Variants in MLLT10 observed in about 807,000 individuals in gnomAD.
MLLT10 encodes the protein protein AF-10.
MLLT10 carries 30 observed loss-of-function variants against 129.1 expected under a neutral mutation model. The observed-to-expected ratio is 0.23, with a 90% CI of 0.17 to 0.32. The LOEUF (loss-of-function observed/expected upper bound fraction) is 0.32. Among genes scored for constraint, MLLT10 ranks in the 10% least tolerant of loss-of-function variants. The probability of loss-of-function intolerance (pLI) is 1.00; values close to 1 mark genes in which losing one functional copy is unlikely to be tolerated. For missense variants in MLLT10, 1,119 were observed against 1,268.3 expected (o/e 0.88, Z 1.79); for synonymous variants, 490 against 446.4 (o/e 1.10, Z -1.23).
intron 3 of MLLT10, among the ~76,000 whole-genome samples, chr10:21,549,882 G>A (rs1469035160): frequency 1.3e-5 from 2 of 152,058 alleles, no homozygotes; most frequent in Admixed American, 6.6e-5. Context: ...CAGGTGATCT[G>A]CCCGCCTTGG....
At chr10:21,667,003 G>C (rs1450776698) in intron 9 of MLLT10, among the ~76,000 whole-genome samples, 4 of 152,186 alleles carry the variant, frequency 2.6e-5, no homozygotes, top group African/African-American at 9.6e-5. Context: ...ATTTATTGTA[G>C]TGTTGGTCTG....
At chr10:21,723,363 C>T (rs1057438995) in intron 14 of MLLT10, among the ~76,000 whole-genome samples, 3 of 151,976 alleles carry the variant, frequency 2.0e-5, no homozygotes, top group Non-Finnish European at 2.9e-5. Context: ...GGAACCCTTC[C>T]TAAAAAAGAG....
intron 5 of MLLT10, among the ~76,000 whole-genome samples, chr10:21,610,885 G>C (rs951730843): frequency 1.3e-5 from 2 of 150,706 alleles, no homozygotes; most frequent in Non-Finnish European, 3.0e-5. Flanking sequence ...AGTGTGTCTA[G>C]ATAGGTTTTG....
intron 9 of MLLT10, among the ~76,000 whole-genome samples, chr10:21,662,716 A>C (rs1221055064): frequency 3.3e-5 from 5 of 152,138 alleles, no homozygotes; most frequent in Non-Finnish European, 7.4e-5. Flanking sequence ...CACTTTATTT[A>C]AACTGTATTT....
At chr10:21,618,867 G>C (rs1458388199) in intron 8 of MLLT10, among the ~76,000 whole-genome samples, 2 of 152,058 alleles carry the variant, frequency 1.3e-5, no homozygotes, top group African/African-American at 4.8e-5. Flanking sequence ...CTAGTAGCTA[G>C]GATTACAGGC....
At chr10:21,656,823 AAAAGTGTAAGT>A (rs1458249681) in intron 9 of MLLT10, among the ~76,000 whole-genome samples, 1 of 152,182 alleles carries the variant, frequency 6.6e-6, no homozygotes, top group East Asian at 1.9e-4. Flanking sequence ...CAGAGGGAGT[AAAAGTGTAAGT>A]GTCTTTTCCA....
intron 4 of MLLT10, among the ~76,000 whole-genome samples, chr10:21,588,588 T>G (rs192506750): frequency 6.6e-5 from 10 of 151,968 alleles, no homozygotes; most frequent in Admixed American, 6.6e-4. Context: ...TTTTGATAGA[T>G]AGTCCCAAAT....
At chr10:21,541,634 C>G (rs904123860) in intron 3 of MLLT10, among the ~76,000 whole-genome samples, 1 of 152,142 alleles carries the variant, frequency 6.6e-6, no homozygotes, top group African/African-American at 2.4e-5. Context: ...GATCTGCCTG[C>G]TTTGGCCTCC....
At chr10:21,622,442 G>C (rs776622994) in intron 8 of MLLT10, among the ~76,000 whole-genome samples, 14 of 151,786 alleles carry the variant, frequency 9.2e-5, no homozygotes, top group Non-Finnish European at 1.8e-4. Flanking sequence ...TGGGATTACA[G>C]GCGTTAGCCA....
intron 21 of MLLT10, chr10:21,738,286 AT>A (rs1466694614): frequency 6.7e-6 from 5 of 749,328 alleles, no homozygotes; most frequent in Non-Finnish European, 9.3e-6. Flanking sequence ...AAAATCTTAA[AT>A]GCTGACACTA....
chr10:21,709,127 G>A (rs2055826616), intron 13 of MLLT10, among the ~76,000 whole-genome samples: 1 of 152,042 alleles, frequency 6.6e-6, no homozygotes, highest in Non-Finnish European at 1.5e-5. Flanking sequence ...TTCAATTTCA[G>A]CATGCTGCCT....
chr10:21,641,283 C>A (rs945302874), intron 8 of MLLT10, among the ~76,000 whole-genome samples: 13 of 152,188 alleles, frequency 8.5e-5, no homozygotes, highest in Non-Finnish European at 1.3e-4. Context: ...AAATCCCACT[C>A]CATATCTCCC....
chr10:21,537,338 C>G (rs569925456), intron 2 of MLLT10, among the ~76,000 whole-genome samples: 9 of 152,186 alleles, frequency 5.9e-5, no homozygotes, highest in African/African-American at 2.2e-4. Context: ...CCCTCTGTCG[C>G]CCAGGCTGGA....
intron 3 of MLLT10, among the ~76,000 whole-genome samples, chr10:21,585,654 A>G (rs2041916693): frequency 6.6e-6 from 1 of 152,210 alleles, no homozygotes; most frequent in African/African-American, 2.4e-5. Flanking sequence ...GCCTTGCCCC[A>G]TTCCTGTGTT....
At chr10:21,623,532 C>G (rs2046112988) in intron 8 of MLLT10, among the ~76,000 whole-genome samples, 1 of 152,182 alleles carries the variant, frequency 6.6e-6, no homozygotes, top group Admixed American at 6.5e-5. Context: ...GGGCAGAGAT[C>G]AAATATACAC....
rs1162706993 is a variant in MLLT10, at chr10:21,742,527, A to T, written c.*544A>T. 5.0e-6 allele frequency: 1 copy of T among 199,658 alleles called. No homozygotes were observed. Among genetic ancestry groups the T allele is most frequent in the Non-Finnish European group, 9.9e-6 (1 of 100,600 alleles). The allele number at this position is 199,658 out of a possible 1,614,324, so 12.4% of individuals were successfully genotyped here. On this transcript the variant is annotated 3_prime_UTR_variant, in exon 23 of 23. Transcript: ENST00000307729. ...CACCTGGGACTTGGCAATCTTTGTTAAAAAAAAATTTCCTTTCTAATGGGA... is the reference window on the plus strand; with the variant it reads ...CACCTGGGACTTGGCAATCTTTGTTTAAAAAAAATTTCCTTTCTAATGGGA...
At chr10:21,734,412 G>A (rs1650385360) in intron 20 of MLLT10, among the ~76,000 whole-genome samples, 1 of 152,100 alleles carries the variant, frequency 6.6e-6, no homozygotes, top group South Asian at 2.1e-4. Flanking sequence ...TTTGTATACT[G>A]TATCATAAAT....
At chr10:21,620,740 G>T (rs886636318) in intron 8 of MLLT10, among the ~76,000 whole-genome samples, 1 of 152,022 alleles carries the variant, frequency 6.6e-6, no homozygotes, top group East Asian at 1.9e-4. Context: ...GCCCAGGCTG[G>T]AGTGCAGTGG....
At chr10:21,558,748 A>C (rs2038410070) in intron 3 of MLLT10, among the ~76,000 whole-genome samples, 1 of 152,098 alleles carries the variant, frequency 6.6e-6, no homozygotes, top group Non-Finnish European at 1.5e-5. Flanking sequence ...TTTTGACACT[A>C]TTCCTCTCAG....
Sources: allele counts gnomAD v4.1 joint callset (sites outside exome capture counted in the v4.1 genomes callset), GRCh38; gene constraint gnomAD v4.1.1; transcripts MANE v1.5; gene names NCBI Gene and HGNC (gene_info 2026-07-23, HGNC 2026-07-21).